Variants in ARHGAP17 observed in about 807,000 individuals in gnomAD.
The protein encoded by ARHGAP17 is rho GTPase-activating protein 17.
In ARHGAP17, 57 loss-of-function variants were observed where a neutral mutation model predicts 99.5. That is an observed-to-expected ratio of 0.57 (90% CI 0.46 to 0.71). The LOEUF (loss-of-function observed/expected upper bound fraction) is 0.71, where lower values mean the gene tolerates loss of function less well. Among genes scored for constraint, ARHGAP17 ranks in the 30% least tolerant of loss-of-function variants. ARHGAP17 has a pLI of 0.00. For synonymous variants in ARHGAP17, 417 were observed against 429.6 expected (o/e 0.97, Z 0.36); for missense variants, 1,000 against 1,122.4 (o/e 0.89, Z 1.56).
chr16:25,014,790 C>A (rs922794749), intron 1 of ARHGAP17, among the ~76,000 whole-genome samples: 28 of 152,340 alleles, frequency 1.8e-4, no homozygotes, highest in Middle Eastern at 3.4e-3. Flanking sequence ...CTGCCGCCCC[C>A]CACAGCACAG....
intron 1 of ARHGAP17, among the ~76,000 whole-genome samples, chr16:24,988,300 C>T (rs905654502): frequency 1.3e-5 from 2 of 152,076 alleles, no homozygotes; most frequent in African/African-American, 4.8e-5. Context: ...AGTTTAAAAG[C>T]CGTAAGAGAG....
chr16:24,939,658 A>G, intron 16 of ARHGAP17, 61 bp from the exon 17 acceptor site: 18 of 1,501,222 alleles, frequency 1.2e-5, no homozygotes, highest in Non-Finnish European at 1.6e-5. Flanking sequence ...ACAGAAGCCC[A>G]TCGGTCCACA....
At chr16:24,941,866 C>T in intron 16 of ARHGAP17, 121 bp downstream of exon 16, 1 of 1,348,346 alleles carries the variant, frequency 7.4e-7, no homozygotes, top group Non-Finnish European at 1.0e-6. Context: ...ACTATCTGGA[C>T]ACCATCAGTC....
At chr16:24,940,071 A>G (rs887691108) in intron 16 of ARHGAP17, 2 of 165,906 alleles carry the variant, frequency 1.2e-5, no homozygotes, top group African/African-American at 4.8e-5. Flanking sequence ...GGCACACATC[A>G]CCATACTGGG....
At position 24,919,631 on chromosome 16, in the gene ARHGAP17, T is replaced by A. The variant is rs1468832390; in HGVS notation, c.*499A>T. On this transcript the variant is annotated 3_prime_UTR_variant, in exon 20 of 20. Transcript: ENST00000289968. ...GGACTGGGGAGACACAGACCATACA[T>A]GATACAAAATGATTCTGCAGCAAGT... 6.5e-6 allele frequency: 1 copy of A among 153,054 alleles called. No homozygotes were observed. Among genetic ancestry groups the A allele is most frequent in the Non-Finnish European group, 1.5e-5 (1 of 68,460 alleles). 9.5% of individuals were successfully genotyped at this position (153,054 alleles called of 1,614,324 possible). A position where few individuals can be genotyped will look rare whatever the true frequency, so the allele number is the denominator to read the frequency against.
At chr16:24,921,617 G>T (rs1323642455) in intron 19 of ARHGAP17, among the ~76,000 whole-genome samples, 1 of 152,088 alleles carries the variant, frequency 6.6e-6, no homozygotes, top group African/African-American at 2.4e-5. Flanking sequence ...CCACCTTCCT[G>T]TCCCTACAGT....
chr16:24,937,560 A>C (rs2051176361), intron 17 of ARHGAP17, among the ~76,000 whole-genome samples: 1 of 152,272 alleles, frequency 6.6e-6, no homozygotes, highest in African/African-American at 2.4e-5. Context: ...GGGCACAATT[A>C]TTGACAAGCT....
In ARHGAP17 at chr16:24,943,619, C is replaced by T. The variant is rs550827944; in HGVS notation, c.1333+152G>A. ...ATATGATTACCATCATGTCAAAATA[C>T]AAATGCAATGAACAAAGGCTGGAAA... On this transcript the variant is annotated intron_variant, in intron 15 of 19. Transcript: ENST00000289968. The T allele has an allele frequency of 9.2e-6, 6 of 653,334 alleles. No individual in the cohort carries two copies. The African/African-American group carries it at 1.1e-4, about 12-fold the overall frequency. The allele number at this position is 653,334 out of a possible 1,614,324, so 40.5% of individuals were successfully genotyped here.
At chr16:25,002,073 TC>T (rs1298732366) in intron 1 of ARHGAP17, among the ~76,000 whole-genome samples, 1 of 147,008 alleles carries the variant, frequency 6.8e-6, no homozygotes, top group Non-Finnish European at 1.5e-5. Flanking sequence ...AGAGCGAGAC[TC>T]CATCTAAAAA....
chr16:24,926,642 C>T lies in ARHGAP17; in HGVS notation c.2515+4142G>A, dbSNP rs144063757. 1.2e-3 allele frequency among the ~76,000 whole-genome samples: 178 copies of T among 152,346 alleles called. 2 individuals are homozygous for T. The highest frequency in any genetic ancestry group is 4.1e-3 in the African/African-American group (170 of 41,568). On this transcript the variant is annotated intron_variant, in intron 19 of 19. Coordinates refer to ENST00000289968, the MANE Select transcript of ARHGAP17 (RefSeq NM_001006634.3). ...AAAAAGCAAACACTATGAAATTAGC[C>T]AGCAAAGTGTCCAGGCTTATGGCTA...
At chr16:24,923,284 A>C (rs1010012401) in intron 19 of ARHGAP17, among the ~76,000 whole-genome samples, 4 of 152,222 alleles carry the variant, frequency 2.6e-5, no homozygotes, top group Non-Finnish European at 5.9e-5. Flanking sequence ...TCAGTCTTAC[A>C]AACACTCTGG....
At chr16:24,950,248 T>C (rs16974249) in intron 12 of ARHGAP17, among the ~76,000 whole-genome samples, 10,586 of 152,180 alleles carry the variant, frequency 0.07, 1,089 homozygotes, top group African/African-American at 0.22. Context: ...TTCTCAACTA[T>C]AGAATCAATA....
At chr16:25,014,993 G>A (rs924498966) in intron 1 of ARHGAP17, among the ~76,000 whole-genome samples, 4 of 151,856 alleles carry the variant, frequency 2.6e-5, no homozygotes, top group Non-Finnish European at 5.9e-5. Flanking sequence ...TGCAGGTCTC[G>A]GGAGCCCGGC....
At chr16:24,966,127 C>T (rs944050162) in intron 6 of ARHGAP17, among the ~76,000 whole-genome samples, 1 of 152,220 alleles carries the variant, frequency 6.6e-6, no homozygotes, top group African/African-American at 2.4e-5. Context: ...TTTAATTAAT[C>T]ATTAGAATAT....
intron 19 of ARHGAP17, among the ~76,000 whole-genome samples, chr16:24,927,392 T>TA (rs1224908636): frequency 6.6e-6 from 1 of 152,226 alleles, no homozygotes; most frequent in Non-Finnish European, 1.5e-5. Flanking sequence ...TCTGACTCCA[T>TA]AATGTGTGTT....
In ARHGAP17 at chr16:24,968,757, C is replaced by T. The variant is rs75957421; in HGVS notation, c.288G>A (p.Thr96=). The T allele has an allele frequency of 4.8e-3, 7,766 of 1,614,194 alleles. 248 individuals are homozygous for T. The African/African-American group carries it at 0.079, about 16-fold the overall frequency. Residue 96 remains threonine (T), a synonymous_variant, in exon 5 of 20, where the codon ACG becomes ACA. Transcript: ENST00000289968. Reference sequence around the variant, plus strand: ...CCAGCTGATTCTCAGCATCTCCACACGTCTCCAGCATCTTCCTTTAAAAAC... The same window carrying T: ...CCAGCTGATTCTCAGCATCTCCACATGTCTCCAGCATCTTCCTTTAAAAAC... ...EDSLLGKMLE[T]CGDAENQLAL...
intron 17 of ARHGAP17, among the ~76,000 whole-genome samples, chr16:24,938,784 A>AG (rs1442074906): frequency 6.6e-6 from 1 of 151,756 alleles, no homozygotes; most frequent in Non-Finnish European, 1.5e-5. Context: ...AAAAAAAAAA[A>AG]AAAAAAAGAA....
intron 19 of ARHGAP17, among the ~76,000 whole-genome samples, chr16:24,922,546 C>G (rs918413664): frequency 1.3e-5 from 2 of 152,178 alleles, no homozygotes; most frequent in African/African-American, 4.8e-5. Context: ...CAGCCCCTCT[C>G]TATTCCTACA....
At chr16:24,992,484 C>T (rs909015619) in intron 1 of ARHGAP17, among the ~76,000 whole-genome samples, 6 of 152,072 alleles carry the variant, frequency 3.9e-5, no homozygotes, top group Non-Finnish European at 7.4e-5. Context: ...TACAGGCGCA[C>T]GCCACCATGA....
Sources: allele counts gnomAD v4.1 joint callset (sites outside exome capture counted in the v4.1 genomes callset), GRCh38; gene constraint gnomAD v4.1.1; transcripts MANE v1.5; gene names NCBI Gene and HGNC (gene_info 2026-07-23, HGNC 2026-07-21).